The following EPSTI1 variants were observed in gnomAD, a reference collection of about 807,000 sequenced individuals.
The protein encoded by EPSTI1 is epithelial stromal interaction 1, also known as epithelial-stromal interaction protein 1.
In EPSTI1, 66 loss-of-function variants were observed where a neutral mutation model predicts 49.9. The ratio of observed to expected loss-of-function variants is 1.32; its 90% CI spans 1.08 to 1.62. The LOEUF (loss-of-function observed/expected upper bound fraction) is 1.62. EPSTI1 is among the 40% of genes most tolerant of loss of function. The pLI is 0.00. For missense variants in EPSTI1, 394 were observed against 365.5 expected, an observed-to-expected ratio of 1.08 and a Z score of -0.64; for synonymous variants, 137 against 130.7, an observed-to-expected ratio of 1.05 and a Z score of -0.33.
chr13:42,898,431 A>C (rs1014123114), intron 9 of EPSTI1, among the ~76,000 whole-genome samples: 3 of 152,228 alleles, frequency 2.0e-5, no homozygotes, highest in Non-Finnish European at 1.5e-5. Flanking sequence ...AGCTCTTTTC[A>C]AAAATTGATG....
chr13:42,975,401 G>A (rs1024588072), intron 1 of EPSTI1, among the ~76,000 whole-genome samples: 1 of 152,200 alleles, frequency 6.6e-6, no homozygotes, highest in African/African-American at 2.4e-5. Flanking sequence ...CTAAGATACT[G>A]TCTGCACACC....
chr13:42,958,427 T>C (rs2039339460), intron 5 of EPSTI1, among the ~76,000 whole-genome samples: 1 of 151,792 alleles, frequency 6.6e-6, no homozygotes, highest in Non-Finnish European at 1.5e-5. Context: ...GATTAAATCC[T>C]GAGAAAGAAA....
chr13:42,899,780 C>T (rs1214030839), intron 9 of EPSTI1, among the ~76,000 whole-genome samples: 1 of 152,058 alleles, frequency 6.6e-6, no homozygotes, highest in Admixed American at 6.6e-5. Flanking sequence ...ACTAGGTATT[C>T]TTAAGTCTGA....
chr13:42,968,171 TTCTGATTGTACCCTTCGAG>T (rs2039669198), intron 3 of EPSTI1, among the ~76,000 whole-genome samples: 1 of 152,232 alleles, frequency 6.6e-6, no homozygotes, highest in African/African-American at 2.4e-5. Flanking sequence ...TAAAGCTGTT[TTCTGATTGTACCCTTCGAG>T]TCTGGCTCAT....
intron 1 of EPSTI1, among the ~76,000 whole-genome samples, chr13:42,974,465 G>A (rs559563128): frequency 6.6e-5 from 10 of 152,140 alleles, no homozygotes; most frequent in Non-Finnish European, 1.0e-4. Flanking sequence ...AGACCATCCT[G>A]GCTAACACGG....
intron 6 of EPSTI1, among the ~76,000 whole-genome samples, chr13:42,946,018 T>C (rs920564583): frequency 1.3e-5 from 2 of 152,196 alleles, no homozygotes; most frequent in African/African-American, 4.8e-5. Flanking sequence ...GATTATAAAA[T>C]TCAAGGCTGG....
intron 6 of EPSTI1, among the ~76,000 whole-genome samples, chr13:42,928,103 G>T (rs1236017964): frequency 2.0e-5 from 3 of 152,146 alleles, no homozygotes; most frequent in Admixed American, 1.3e-4. Flanking sequence ...AATTATCACT[G>T]CCCCACTCAT....
chr13:42,953,497 A>G (rs2039164752), intron 6 of EPSTI1, among the ~76,000 whole-genome samples: 1 of 152,254 alleles, frequency 6.6e-6, no homozygotes, highest in Non-Finnish European at 1.5e-5. Flanking sequence ...TATGACCACC[A>G]GTTGAGACTT....
At chr13:42,959,426 A>C (rs1463919599) in intron 5 of EPSTI1, among the ~76,000 whole-genome samples, 1 of 152,242 alleles carries the variant, frequency 6.6e-6, no homozygotes, top group Non-Finnish European at 1.5e-5. Flanking sequence ...TATATAAACA[A>C]CATTGAAATA....
intron 5 of EPSTI1, among the ~76,000 whole-genome samples, chr13:42,961,921 A>G (rs769161315): frequency 6.6e-6 from 1 of 152,188 alleles, no homozygotes; most frequent in Non-Finnish European, 1.5e-5. Flanking sequence ...TTTGCTGTGC[A>G]TTTTAAAATA....
In EPSTI1 at chr13:42,922,176, G is replaced by A. The variant is rs1302474255; in HGVS notation, c.657+4160C>T. 1.3e-5 allele frequency among the ~76,000 whole-genome samples: 2 copies of A among 152,188 alleles called. No individual in the cohort carries two copies. Among genetic ancestry groups the A allele is most frequent in the African/African-American group, 4.8e-5 (2 of 41,446 alleles). On this transcript the variant is annotated intron_variant, in intron 7 of 10. Transcript: ENST00000313624. This position sits in a 1 kb window ranked among gnomAD's most constrained non-coding sequence, Gnocchi z 4.8. ...AAGGTCTAAAATTGATTAGTCAAGA[G>A]ATACCAACACATATTAACAGATATT...
intron 1 of EPSTI1, among the ~76,000 whole-genome samples, chr13:42,986,035 G>C (rs943302493): frequency 6.6e-6 from 1 of 152,214 alleles, no homozygotes; most frequent in Non-Finnish European, 1.5e-5. Flanking sequence ...GTCTGTTGCT[G>C]CCCAGAGGGC....
chr13:42,965,438 G>A (rs942309), intron 3 of EPSTI1, among the ~76,000 whole-genome samples: 90,508 of 151,994 alleles, frequency 0.6, 27,512 homozygotes, highest in Middle Eastern at 0.82. Context: ...GATGCCGAGC[G>A]CTTCAAATTC....
chr13:42,965,126 A>C (rs1283417924), intron 3 of EPSTI1, among the ~76,000 whole-genome samples: 1 of 152,146 alleles, frequency 6.6e-6, no homozygotes, highest in African/African-American at 2.4e-5. Flanking sequence ...AACAGTAAGG[A>C]ATGTTGACAT....
chr13:42,949,344 C>A (rs1338840214), intron 6 of EPSTI1, among the ~76,000 whole-genome samples: 1 of 152,150 alleles, frequency 6.6e-6, no homozygotes, highest in Non-Finnish European at 1.5e-5. Context: ...AATCCCAGCA[C>A]TTTGGGAGGC....
At chr13:42,889,199 TA>T in intron 10 of EPSTI1, 1 of 1,573,250 alleles carries the variant, frequency 6.4e-7, no homozygotes, top group Admixed American at 2.0e-5. Context: ...GGGATGTTTT[TA>T]AGTGACCCAC....
chr13:42,971,247 G>A (rs879296922), intron 1 of EPSTI1, among the ~76,000 whole-genome samples: 1 of 152,184 alleles, frequency 6.6e-6, no homozygotes, highest in Admixed American at 6.5e-5. Flanking sequence ...GATCAGGGAA[G>A]ACTTTTTAAG....
At chr13:42,972,282 C>T (rs1201586883) in intron 1 of EPSTI1, among the ~76,000 whole-genome samples, 2 of 152,190 alleles carry the variant, frequency 1.3e-5, no homozygotes, top group African/African-American at 4.8e-5. Flanking sequence ...ACCAGGAGGG[C>T]TTGTCCGCGA....
intron 7 of EPSTI1, among the ~76,000 whole-genome samples, chr13:42,925,443 G>C (rs916553188): frequency 1.3e-5 from 2 of 152,092 alleles, no homozygotes; most frequent in African/African-American, 4.8e-5. Flanking sequence ...GGTAAGCACT[G>C]TGTGGGGGCA....
Sources: allele counts gnomAD v4.1 joint callset (sites outside exome capture counted in the v4.1 genomes callset), GRCh38; gene constraint gnomAD v4.1.1; non-coding constraint Gnocchi (gnomAD v3.1); transcripts MANE v1.5; gene names NCBI Gene and HGNC (gene_info 2026-07-23, HGNC 2026-07-21).